The following HK1 variants were observed in gnomAD, a reference collection of about 807,000 sequenced individuals.
HK1 encodes the protein hexokinase-1.
Under a neutral mutation model 91.6 loss-of-function variants are expected in HK1, and 28 were observed. The ratio of observed to expected loss-of-function variants is 0.31; its 90% CI spans 0.23 to 0.42. HK1 has a LOEUF of 0.42. Among genes scored for constraint, HK1 ranks in the 10% least tolerant of loss-of-function variants. HK1 has a pLI of 1.00. For missense variants in HK1, 770 were observed against 1,219.8 expected, an observed-to-expected ratio of 0.63 and a Z score of 5.49; for synonymous variants, 430 against 468.1, an observed-to-expected ratio of 0.92 and a Z score of 1.05.
intron 1 of HK1, among the ~76,000 whole-genome samples, chr10:69,276,104 A>G (rs1345428087): frequency 2.1e-5 from 1 of 46,946 alleles, no homozygotes; most frequent in East Asian, 1.2e-3. Flanking sequence ...AAAAAAAAAA[A>G]AAAAAAAAAA....
intron 1 of HK1, among the ~76,000 whole-genome samples, chr10:69,327,065 C>T (rs1265106200): frequency 1.9e-4 from 25 of 135,082 alleles, no homozygotes; most frequent in South Asian, 7.0e-4. Flanking sequence ...AGTGCAGTGG[C>T]ACGGTCTCAG....
intron 5 of HK1, chr10:69,300,982 C>T (rs557005734): frequency 6.7e-5 from 40 of 595,090 alleles, no homozygotes; most frequent in Non-Finnish European, 8.5e-5. Context: ...CGGTGGCTCA[C>T]GCCTGTAATC....
At chr10:69,389,154 A>G in intron 13 of HK1, 43 bp from the exon 14 acceptor site, 1 of 1,473,382 alleles carries the variant, frequency 6.8e-7, no homozygotes, top group Non-Finnish European at 9.5e-7. Flanking sequence ...CAAGCCAGGC[A>G]TAGTGATCCT....
intron 1 of HK1, among the ~76,000 whole-genome samples, chr10:69,336,712 T>A (rs1270539099): frequency 6.8e-6 from 1 of 146,304 alleles, no homozygotes; most frequent in African/African-American, 2.6e-5. Context: ...CAATCTCAGC[T>A]CACTGCAACC....
In HK1 at chr10:69,318,880, A is replaced by G. The variant is rs1846825721; in HGVS notation, c.-68A>G. Reference sequence around the variant, plus strand: ...GCCGCCGAGCAGCCGCCGGAGGACCACGGCTCGCCAGGGCTGCGGAGGACC... The same window carrying G: ...GCCGCCGAGCAGCCGCCGGAGGACCGCGGCTCGCCAGGGCTGCGGAGGACC... On this transcript the variant is annotated 5_prime_UTR_variant, in exon 1 of 18. Transcript: ENST00000359426. The G allele has an allele frequency of 2.5e-5, 38 of 1,523,152 alleles. No homozygotes were observed. The highest frequency in any genetic ancestry group is 3.3e-5 in the Non-Finnish European group (38 of 1,137,284). The allele number at this position is 1,523,152 out of a possible 1,614,324, so 94.4% of individuals were successfully genotyped here. A position where few individuals can be genotyped will look rare whatever the true frequency, so the allele number is the denominator to read the frequency against.
rs751250199 is a variant in HK1, at chr10:69,295,662, T to C, written c.-85T>C. On this transcript the variant is annotated 5_prime_UTR_variant, in exon 4 of 22. Coordinates refer to the HK1 transcript ENST00000360289. Reference sequence around the variant, plus strand: ...CAGCAGCTGAAAAACCAAAACTTCATCTACTTGCTGAAAGTGAGGTAAGAA... The same window carrying C: ...CAGCAGCTGAAAAACCAAAACTTCACCTACTTGCTGAAAGTGAGGTAAGAA... 2.4e-5 allele frequency: 39 copies of C among 1,606,816 alleles called. No individual in the cohort carries two copies. The highest frequency in any genetic ancestry group is 3.0e-5 in the Non-Finnish European group (35 of 1,173,466).
chr10:69,351,179 T>TTAAATAAATAAATAAA (rs113053941), intron 2 of HK1, among the ~76,000 whole-genome samples: 2 of 114,938 alleles, frequency 1.7e-5, no homozygotes, highest in African/African-American at 7.6e-5. Flanking sequence ...CGTCTCAAAA[T>TTAAATAAATAAATAAA]TAAATAAATA....
At position 69,335,751 on chromosome 10, in the gene HK1, C is replaced by T. The variant is rs117429313; in HGVS notation, c.64-8076C>T. Among the ~76,000 whole-genome samples the T allele has an allele frequency of 1.4e-3, 208 of 152,274 alleles. 3 individuals are homozygous for T. In the East Asian group the frequency reaches 0.034, roughly 25 times the overall value. On this transcript the variant is annotated intron_variant, in intron 1 of 17. Coordinates refer to ENST00000359426, the MANE Select transcript of HK1 (RefSeq NM_000188.3). ...CCTTTATAGGTCAAAGTCATAGGAACGCACCCACTTGACAGATGGGAAGAC... is the reference window on the plus strand; with the variant it reads ...CCTTTATAGGTCAAAGTCATAGGAATGCACCCACTTGACAGATGGGAAGAC...
upstream of HK1, among the ~76,000 whole-genome samples, chr10:69,312,275 C>T (rs568812742): frequency 2.0e-5 from 3 of 152,162 alleles, no homozygotes; most frequent in African/African-American, 4.8e-5. Flanking sequence ...CTCACTCTGT[C>T]GCCCAGGCTG....
In HK1 at chr10:69,394,293, G is replaced by T. The variant is rs1564570091; in HGVS notation, c.2220-657G>T. Among the ~76,000 whole-genome samples, 4 of 152,224 alleles carry T rather than the reference G, an allele frequency of 2.6e-5. No homozygotes were observed. In the South Asian group the frequency reaches 8.3e-4, roughly 31 times the overall value. On this transcript the variant is annotated intron_variant, in intron 15 of 17. Transcript: ENST00000359426. ...TTGTGGTCACTGAATTCTCCCTCCT[G>T]TGTGGCCTCATCACTCTGCTGTGGG...
rs755312877 is a variant in HK1 at position 69,384,458 on chromosome 10, A to G, written c.1696A>G (p.Ile566Val). 1.2e-6 allele frequency: 2 copies of G among 1,614,238 alleles called. No individual in the cohort carries two copies. Among genetic ancestry groups the G allele is most frequent in the South Asian group, 2.2e-5 (2 of 91,090 alleles). The change falls in exon 11 of 18, where the codon ATC becomes GTC. Residue 566 changes from isoleucine (I) to valine (V), a missense_variant. Around this residue, in one of 7 missense-constraint regions of HK1, gnomAD observed 48 missense variants for 128.2 expected, o/e 0.37. Coordinates refer to ENST00000359426, the MANE Select transcript of HK1 (RefSeq NM_000188.3). Reference sequence around the variant, plus strand: ...CAAGATCTACGCCATTCCTATTGAAATCATGCAGGGCACTGGGGAAGAGGT... The same window carrying G: ...CAAGATCTACGCCATTCCTATTGAAGTCATGCAGGGCACTGGGGAAGAGGT... ...HNKIYAIPIE[I>V]MQGTGEELFD... is the part of the protein sequence containing the mutation.
At chr10:69,325,910 C>G (rs1320019608) in intron 1 of HK1, among the ~76,000 whole-genome samples, 1 of 151,364 alleles carries the variant, frequency 6.6e-6, no homozygotes. Context: ...TCTCACCTCC[C>G]TGCAACCTCT....
upstream of HK1, chr10:69,316,023 C>A: frequency 6.2e-7 from 1 of 1,612,920 alleles, no homozygotes; most frequent in Non-Finnish European, 8.5e-7. Context: ...GGGTGAGTAG[C>A]TGTGGTCCAG....
chr10:69,372,681 C>G (rs962300847), intron 7 of HK1, among the ~76,000 whole-genome samples: 8 of 152,106 alleles, frequency 5.3e-5, no homozygotes, highest in African/African-American at 1.9e-4. Context: ...CATTGGTAAT[C>G]AGGGAGGATC....
Position 69,352,399 on chromosome 10 carries a change from G to A in HK1, c.227-7498G>A, listed in dbSNP as rs375493592. Among the ~76,000 whole-genome samples the A allele has an allele frequency of 6.3e-4, 96 of 152,228 alleles. 4 individuals are homozygous for A. The South Asian group carries it at 0.02, about 31-fold the overall frequency. Reference sequence around the variant, plus strand: ...TTGATTTGAACAATGCCACAAAGTCGGGGTCAGAATTTCCACCAAATCTAT... The same window carrying A: ...TTGATTTGAACAATGCCACAAAGTCAGGGTCAGAATTTCCACCAAATCTAT... On this transcript the variant is annotated intron_variant, in intron 2 of 17. Coordinates refer to ENST00000359426, the MANE Select transcript of HK1 (RefSeq NM_000188.3).
upstream of HK1, chr10:69,316,138 A>G: frequency 1.2e-6 from 1 of 837,874 alleles, no homozygotes; most frequent in South Asian, 1.3e-5. Context: ...GAACAAATGG[A>G]GTGGACATGG....
Position 69,359,888 on chromosome 10 carries a change from C to T in HK1, c.227-9C>T. On this transcript the variant is annotated splice_polypyrimidine_tract_variant and intron_variant, in intron 2 of 17. Coordinates refer to ENST00000359426, the MANE Select transcript of HK1 (RefSeq NM_000188.3). ...AATCTCATGTGATACCTGTTGTCTC[C>T]CTAAACAGAAAAGGGAGATTTCATT... is the stretch of plus-strand genomic sequence containing the variant. 2 of 1,613,808 alleles carry T rather than the reference C, an allele frequency of 1.2e-6. No individual in the cohort carries two copies. The highest frequency in any genetic ancestry group is 1.7e-6 in the Non-Finnish European group (2 of 1,179,716).
At chr10:69,289,969 T>C (rs1200882196) in intron 3 of HK1, among the ~76,000 whole-genome samples, 1 of 151,986 alleles carries the variant, frequency 6.6e-6, no homozygotes, top group East Asian at 1.9e-4. Flanking sequence ...CCCCTGGATG[T>C]TGAAATAAAC....
chr10:69,315,650 G>A, upstream of HK1: 1 of 462,344 alleles, frequency 2.2e-6, no homozygotes, highest in Non-Finnish European at 4.0e-6. Context: ...TGGAACAACA[G>A]AGAGGGGACA....
Sources: allele counts gnomAD v4.1 joint callset (sites outside exome capture counted in the v4.1 genomes callset), GRCh38; gene constraint gnomAD v4.1.1; regional missense constraint gnomAD v4.1.1; transcripts MANE v1.5; gene names NCBI Gene and HGNC (gene_info 2026-07-23, HGNC 2026-07-21).